The following ROCK2 variants were observed in gnomAD, a reference collection of about 807,000 sequenced individuals.
ROCK2 encodes the protein Rho associated coiled-coil containing protein kinase 2, also known as rho-associated protein kinase 2.
ROCK2 carries 61 observed loss-of-function variants against 195.1 expected under a neutral mutation model. The ratio of observed to expected loss-of-function variants is 0.31; its 90% CI spans 0.25 to 0.39. The LOEUF is 0.39. Among genes scored for constraint, ROCK2 ranks in the 10% least tolerant of loss-of-function variants. The pLI, the probability that ROCK2 is intolerant of heterozygous loss-of-function variation, is 1.00. For missense variants in ROCK2, 1,109 were observed against 1,637.4 expected (o/e 0.68, Z 5.57); for synonymous variants, 504 against 545.5 (o/e 0.92, Z 1.06).
At chr2:11,270,336 T>A (rs889944125) in intron 3 of ROCK2, among the ~76,000 whole-genome samples, 1 of 152,212 alleles carries the variant, frequency 6.6e-6, no homozygotes, top group Admixed American at 6.5e-5. Context: ...TTCCTAAATC[T>A]AACGTTTAAG....
intron 3 of ROCK2, among the ~76,000 whole-genome samples, chr2:11,258,016 C>T (rs1277105328): frequency 6.6e-6 from 1 of 151,232 alleles, no homozygotes; most frequent in Non-Finnish European, 1.5e-5. Flanking sequence ...ATTTTTGTCA[C>T]TTCAGTTATA....
rs1335099883 is a variant in ROCK2 at position 11,336,919 on chromosome 2, A to T, written c.141+7077T>A. Among the ~76,000 whole-genome samples the T allele has an allele frequency of 2.0e-5, 3 of 152,326 alleles. No individual in the cohort carries two copies. The East Asian group carries it at 5.8e-4, about 29-fold the overall frequency. On this transcript the variant is annotated intron_variant, in intron 1 of 32. Coordinates refer to ENST00000315872, the MANE Select transcript of ROCK2 (RefSeq NM_004850.5). The stretch of plus-strand genomic sequence containing the variant: ...ATGGCGACAATTACTTGGGCAGAAA[A>T]GCAACAACCATTAAAAATTTTTATT...
chr2:11,233,726 A>AATG (rs1365473412), intron 5 of ROCK2, among the ~76,000 whole-genome samples: 1 of 152,184 alleles, frequency 6.6e-6, no homozygotes, highest in East Asian at 1.9e-4. Context: ...CAGCAAACAA[A>AATG]ATGACATCTA....
chr2:11,218,743 T>G (rs1664518646), intron 10 of ROCK2, among the ~76,000 whole-genome samples: 1 of 152,226 alleles, frequency 6.6e-6, no homozygotes, highest in African/African-American at 2.4e-5. Context: ...CAATTAAGCC[T>G]AAAGCCATGT....
rs76911673 is a variant in ROCK2 at position 11,213,582 on chromosome 2, T to C, written c.2043+775A>G. On this transcript the variant is annotated intron_variant, in intron 17 of 32. Transcript: ENST00000315872. ...ACAGAAGATAAAATATTTATTACCATGCCTTTAAACGATTAAAATTTGCTG... is the reference window on the plus strand; with the variant it reads ...ACAGAAGATAAAATATTTATTACCACGCCTTTAAACGATTAAAATTTGCTG... Among the ~76,000 whole-genome samples, 27 of 87,532 alleles carry C rather than the reference T, an allele frequency of 3.1e-4. No homozygotes were observed. In the Middle Eastern group the frequency reaches 0.019, roughly 62 times the overall value. 57.4% of individuals were successfully genotyped at this position (87,532 alleles called of 152,430 possible). A position where few individuals can be genotyped will look rare whatever the true frequency, so the allele number is the denominator to read the frequency against.
chr2:11,309,531 T>A (rs1409555521), intron 1 of ROCK2, among the ~76,000 whole-genome samples: 2 of 152,222 alleles, frequency 1.3e-5, no homozygotes, highest in Non-Finnish European at 2.9e-5. Flanking sequence ...AAAATTTGAA[T>A]TTCCAATAGA....
At chr2:11,221,734 G>C (rs1012669551) in intron 8 of ROCK2, among the ~76,000 whole-genome samples, 7 of 152,122 alleles carry the variant, frequency 4.6e-5, no homozygotes. Flanking sequence ...ATTTAGCAGA[G>C]TATGGTCTCC....
At chr2:11,289,213 A>G (rs1348253220) in intron 1 of ROCK2, among the ~76,000 whole-genome samples, 1 of 152,124 alleles carries the variant, frequency 6.6e-6, no homozygotes, top group African/African-American at 2.4e-5. Context: ...GTAAGCTGGG[A>G]TTGTTAAATT....
At chr2:11,223,436 C>A (rs561386510) in intron 7 of ROCK2, among the ~76,000 whole-genome samples, 1 of 151,990 alleles carries the variant, frequency 6.6e-6, no homozygotes, top group Non-Finnish European at 1.5e-5. Context: ...AAGATTTTAT[C>A]CTATAAAAAG....
At position 11,304,718 on chromosome 2, in the gene ROCK2, C is replaced by T. The variant is rs999558877; in HGVS notation, c.142-16982G>A. On this transcript the variant is annotated intron_variant, in intron 1 of 32. Coordinates refer to ENST00000315872, the MANE Select transcript of ROCK2 (RefSeq NM_004850.5). ...TCCACCTAGTTATTAACTCTCAAAC[C>T]TCACCTCCCATTACTTTCTGTCTCA... Among the ~76,000 whole-genome samples, 4 of 152,170 alleles carry T rather than the reference C, an allele frequency of 2.6e-5. No individual in the cohort carries two copies. In the East Asian group the frequency reaches 5.8e-4, roughly 22 times the overall value.
intron 3 of ROCK2, among the ~76,000 whole-genome samples, chr2:11,275,669 A>AAAC (rs1020020692): frequency 9.8e-4 from 149 of 152,100 alleles, no homozygotes; most frequent in Non-Finnish European, 1.6e-3. Flanking sequence ...TTGAGGGAGA[A>AAAC]AACACATTTC....
At chr2:11,193,138 G>A (rs1441235679) in intron 30 of ROCK2, among the ~76,000 whole-genome samples, 1 of 152,168 alleles carries the variant, frequency 6.6e-6, no homozygotes, top group Admixed American at 6.5e-5. Context: ...TAACAGCTAT[G>A]AGCACAGCTT....
At chr2:11,234,461 AT>A (rs563232256) in intron 5 of ROCK2, 171 of 152,222 alleles carry the variant, frequency 1.1e-3, no homozygotes, top group African/African-American at 3.8e-3. Context: ...TTCATACTTC[AT>A]TTTCATTAAA....
chr2:11,230,454 T>C (rs1303504674), intron 5 of ROCK2, among the ~76,000 whole-genome samples: 1 of 152,160 alleles, frequency 6.6e-6, no homozygotes, highest in African/African-American at 2.4e-5. Context: ...AGAATCATGA[T>C]ATATCATAGT....
intron 5 of ROCK2, chr2:11,233,875 TATAAA>T (rs1665110704): frequency 6.6e-6 from 1 of 151,996 alleles, no homozygotes; most frequent in African/African-American, 2.4e-5. Context: ...TGGAGGAAAA[TATAAA>T]ATAAAAGCAA....
chr2:11,199,259 T>C (rs1663760905), intron 23 of ROCK2, among the ~76,000 whole-genome samples: 1 of 152,068 alleles, frequency 6.6e-6, no homozygotes, highest in Non-Finnish European at 1.5e-5. Context: ...TGACTGTATT[T>C]CATTATATAC....
rs541098485 is a variant in ROCK2, at chr2:11,237,808, T to C, written c.463-1846A>G. On this transcript the variant is annotated intron_variant, in intron 4 of 32. Transcript: ENST00000315872. ...AATGAAGAATAGCTGGGCACAGCAG[T>C]GGCTCATGCCTGTAATCCCAGCATT... Among the ~76,000 whole-genome samples, 31 of 152,352 alleles carry C rather than the reference T, an allele frequency of 2.0e-4. No homozygotes were observed. In the South Asian group the frequency reaches 2.9e-3, roughly 14 times the overall value.
intron 4 of ROCK2, among the ~76,000 whole-genome samples, chr2:11,239,535 AG>A (rs1445181553): frequency 6.6e-6 from 1 of 152,250 alleles, no homozygotes; most frequent in Non-Finnish European, 1.5e-5. Flanking sequence ...CCTACCTAAA[AG>A]AAATGAAATA....
chr2:11,235,992 T>C lies in ROCK2; in HGVS notation c.463-30A>G. The C allele has an allele frequency of 6.9e-7, 1 of 1,444,278 alleles. No individual in the cohort carries two copies. Among genetic ancestry groups the C allele is most frequent in the Admixed American group, 2.6e-5 (1 of 38,712 alleles). 89.5% of individuals were successfully genotyped at this position (1,444,278 alleles called of 1,614,324 possible). Reference sequence around the variant, plus strand: ...AAAACAAAAGGAAAAGGAAAAATTTTTAAAAACCCAAACCAAAAATCATAA... The same window carrying C: ...AAAACAAAAGGAAAAGGAAAAATTTCTAAAAACCCAAACCAAAAATCATAA... On this transcript the variant is annotated intron_variant, in intron 4 of 32. Transcript: ENST00000315872. This position sits in a 1 kb window ranked among gnomAD's most constrained non-coding sequence, Gnocchi z 4.2.
Sources: allele counts gnomAD v4.1 joint callset (sites outside exome capture counted in the v4.1 genomes callset), GRCh38; gene constraint gnomAD v4.1.1; non-coding constraint Gnocchi (gnomAD v3.1); transcripts MANE v1.5; gene names NCBI Gene and HGNC (gene_info 2026-07-23, HGNC 2026-07-21).